TSC22D1: variants seen among roughly 807,000 people sequenced by gnomAD.
TSC22D1 encodes the protein TSC22 domain family member 1, also known as TSC22 domain family protein 1.
Under a neutral mutation model 74.2 loss-of-function variants are expected in TSC22D1, and 9 were observed. The observed-to-expected ratio is 0.12, with a 90% CI of 0.07 to 0.21. The LOEUF (loss-of-function observed/expected upper bound fraction) is 0.21, where lower values mean the gene tolerates loss of function less well. Ranked by LOEUF, TSC22D1 falls within the 10% of genes least tolerant of loss-of-function variation. TSC22D1 has a pLI of 1.00. For missense variants in TSC22D1, 1,427 were observed against 1,304.7 expected, an observed-to-expected ratio of 1.09 and a Z score of -1.44; for synonymous variants, 586 against 492.5, an observed-to-expected ratio of 1.19 and a Z score of -2.51.
chr13:44,573,664 T>C lies in TSC22D1; in HGVS notation c.2411A>G (p.Gln804Arg). Residue 804 changes from glutamine to arginine, a missense_variant, in exon 1 of 3, where the codon CAA (glutamine) becomes CGA (arginine). Gln to Arg is a conservative substitution (Grantham distance 43). This residue lies in a region of TSC22D1 where 1,343 missense variants were observed against 1,191.5 expected (regional missense o/e 1.13). Transcript: ENST00000458659. The stretch of plus-strand genomic sequence containing the variant: ...TCCTTGAGCTACTGGTTCTACTCCT[T>C]GTGGCTGGGGAGGCACAGTTAACAA... ...SSLLTVPPQP[Q>R]GVEPVAQGIV... 1 of 1,614,240 alleles carries C rather than the reference T, an allele frequency of 6.2e-7. No homozygotes were observed. Among genetic ancestry groups the C allele is most frequent in the Non-Finnish European group, 8.5e-7 (1 of 1,180,036 alleles).
chr13:44,572,890 T>C (rs1883868378), intron 1 of TSC22D1, among the ~76,000 whole-genome samples: 8 of 152,218 alleles, frequency 5.3e-5, no homozygotes, highest in Admixed American at 4.6e-4. Flanking sequence ...ATTTTAGAGA[T>C]AATAAAACCA....
intron 1 of TSC22D1, among the ~76,000 whole-genome samples, chr13:44,455,048 C>T (rs1158076988): frequency 6.6e-6 from 1 of 152,116 alleles, no homozygotes; most frequent in Non-Finnish European, 1.5e-5. Flanking sequence ...CTGAAACTTA[C>T]ATTCAACTGG....
At position 44,433,239 on chromosome 13, in the gene TSC22D1, A is replaced by C. The variant is rs1874201971; in HGVS notation, c.*1387T>G. On this transcript the variant is annotated 3_prime_UTR_variant, in exon 3 of 3. Transcript: ENST00000458659. ...TTTTAAAGCCAAAGGGGAATGTAAG[A>C]GATCATCTCTTTCAAACCCCTACAT... 1 of 152,280 alleles carries C rather than the reference A, an allele frequency of 6.6e-6. No homozygotes were observed. Among genetic ancestry groups the C allele is most frequent in the Non-Finnish European group, 1.5e-5 (1 of 68,060 alleles). The allele number at this position is 152,280 out of a possible 1,614,324, so 9.4% of individuals were successfully genotyped here.
At chr13:44,465,145 T>A (rs572022297) in intron 1 of TSC22D1, among the ~76,000 whole-genome samples, 1 of 152,316 alleles carries the variant, frequency 6.6e-6, no homozygotes, top group South Asian at 2.1e-4. Context: ...AGAAGAAATG[T>A]CTGAAGGAAA....
At chr13:44,568,992 G>A (rs898001871) in intron 1 of TSC22D1, among the ~76,000 whole-genome samples, 3 of 152,144 alleles carry the variant, frequency 2.0e-5, no homozygotes, top group Non-Finnish European at 2.9e-5. Context: ...AGGAGACCAG[G>A]TAGGTATATG....
At chr13:44,445,216 TACACACACACACACACACAC>T (rs55714213) in intron 1 of TSC22D1, among the ~76,000 whole-genome samples, 4 of 144,670 alleles carry the variant, frequency 2.8e-5, no homozygotes, top group African/African-American at 7.6e-5. Flanking sequence ...AGGTCAAAGA[TACACACACACACACACACAC>T]ACACACACAC....
intron 1 of TSC22D1, among the ~76,000 whole-genome samples, chr13:44,534,215 G>T (rs1341866457): frequency 1.4e-5 from 2 of 141,620 alleles, no homozygotes; most frequent in Non-Finnish European, 3.0e-5. Flanking sequence ...GACAGAGTAA[G>T]ACCCTGTCTC....
At chr13:44,452,091 CAGAAG>C (rs1316180170) in intron 1 of TSC22D1, among the ~76,000 whole-genome samples, 1 of 152,166 alleles carries the variant, frequency 6.6e-6, no homozygotes, top group Admixed American at 6.5e-5. Context: ...TCCGACTTGA[CAGAAG>C]AGGAGAACTT....
intron 1 of TSC22D1, among the ~76,000 whole-genome samples, chr13:44,524,201 C>G (rs1052124674): frequency 6.6e-6 from 1 of 151,798 alleles, no homozygotes; most frequent in Admixed American, 6.6e-5. Context: ...AAGGCAAATT[C>G]AGACACTGAA....
chr13:44,511,727 T>C (rs376832206), intron 1 of TSC22D1, among the ~76,000 whole-genome samples: 3 of 152,288 alleles, frequency 2.0e-5, no homozygotes, highest in African/African-American at 7.2e-5. Context: ...GTAGAATTTA[T>C]GATTTTTTTT....
At chr13:44,536,280 T>C (rs1236776248) in intron 1 of TSC22D1, among the ~76,000 whole-genome samples, 1 of 151,956 alleles carries the variant, frequency 6.6e-6, no homozygotes, top group African/African-American at 2.4e-5. Context: ...GACCCCATCT[T>C]AATGTTATTT....
intron 1 of TSC22D1, among the ~76,000 whole-genome samples, chr13:44,546,025 G>T (rs767293869): frequency 6.6e-6 from 1 of 151,720 alleles, no homozygotes; most frequent in Non-Finnish European, 1.5e-5. Context: ...AGATAAAAAA[G>T]AAAAGAAAGA....
intron 1 of TSC22D1, among the ~76,000 whole-genome samples, chr13:44,484,133 T>A (rs1330673215): frequency 6.6e-5 from 10 of 152,104 alleles, no homozygotes; most frequent in Admixed American, 5.9e-4. Context: ...ACATACATAC[T>A]ATCACAAAGT....
chr13:44,446,940 CAT>C (rs1420251328), intron 1 of TSC22D1, among the ~76,000 whole-genome samples: 8 of 152,048 alleles, frequency 5.3e-5, no homozygotes, highest in African/African-American at 9.7e-5. Context: ...GTAAAAAACA[CAT>C]AAAATTTACA....
At chr13:44,532,212 T>C (rs1249069816) in intron 1 of TSC22D1, among the ~76,000 whole-genome samples, 1 of 152,218 alleles carries the variant, frequency 6.6e-6, no homozygotes, top group East Asian at 1.9e-4. Flanking sequence ...AAAATACAAA[T>C]ACTTTGCAGA....
intron 1 of TSC22D1, among the ~76,000 whole-genome samples, chr13:44,492,895 A>C (rs552191949): frequency 6.6e-6 from 1 of 152,298 alleles, no homozygotes; most frequent in Non-Finnish European, 1.5e-5. Context: ...TTTCCCTTGA[A>C]AACTGCTCAA....
intron 1 of TSC22D1, among the ~76,000 whole-genome samples, chr13:44,517,853 A>ATTTTTT (rs1438542551): frequency 3.9e-4 from 9 of 23,274 alleles, no homozygotes; most frequent in Non-Finnish European, 8.7e-4. Flanking sequence ...ATATATATAT[A>ATTTTTT]TATATTTTTT....
Position 44,536,926 on chromosome 13 carries a change from GAAAAAAAAAAA to G in TSC22D1, c.2912+36226_2912+36236del, listed in dbSNP as rs10596156. 6.7e-5 allele frequency: 33 copies of G among 495,226 alleles called. No individual in the cohort carries two copies. In the South Asian group the frequency reaches 7.1e-4, roughly 11 times the overall value. The allele number at this position is 495,226 out of a possible 1,614,324, so 30.7% of individuals were successfully genotyped here. A position where few individuals can be genotyped will look rare whatever the true frequency, so the allele number is the denominator to read the frequency against. ...TAACAGTTCAAAAAAGTATTTTTCT[GAAAAAAAAAAA>G]AAAAAAAAAAAAAAAAAAAAAACAA... On this transcript the variant is annotated intron_variant, in intron 1 of 2. Coordinates refer to ENST00000458659, the MANE Select transcript of TSC22D1 (RefSeq NM_183422.4).
intron 1 of TSC22D1, chr13:44,539,594 T>C: frequency 1.0e-6 from 1 of 985,038 alleles, no homozygotes; most frequent in Non-Finnish European, 1.2e-6. Context: ...GAAAATTAAA[T>C]TTTAGGTCTC....
Sources: allele counts gnomAD v4.1 joint callset (sites outside exome capture counted in the v4.1 genomes callset), GRCh38; gene constraint gnomAD v4.1.1; regional missense constraint gnomAD v4.1.1; transcripts MANE v1.5; gene names NCBI Gene and HGNC (gene_info 2026-07-23, HGNC 2026-07-21).